The following TNRC6B variants were observed in gnomAD, a reference collection of about 807,000 sequenced individuals.
The protein encoded by TNRC6B is trinucleotide repeat-containing gene 6B protein.
Under a neutral mutation model 203.6 loss-of-function variants are expected in TNRC6B, and 52 were observed. The observed-to-expected ratio is 0.26, with a 90% CI of 0.20 to 0.32. The LOEUF is 0.32. TNRC6B is among the 10% of genes least tolerant of loss of function. The pLI, the probability that TNRC6B is intolerant of heterozygous loss-of-function variation, is 1.00. For synonymous variants in TNRC6B, 838 were observed against 845.7 expected, an observed-to-expected ratio of 0.99 and a Z score of 0.16; for missense variants, 1,923 against 2,286.2, an observed-to-expected ratio of 0.84 and a Z score of 3.24.
At chr22:40,178,162 T>C in intron 1 of TNRC6B, 22 bp downstream of exon 1, 1 of 1,613,354 alleles carries the variant, frequency 6.2e-7, no homozygotes, top group Admixed American at 1.7e-5. Flanking sequence ...TTTTCAATTT[T>C]TTTTAACCAA....
intron 4 of TNRC6B, among the ~76,000 whole-genome samples, chr22:40,160,932 G>A (rs1027941357): frequency 3.3e-5 from 5 of 151,752 alleles, no homozygotes; most frequent in African/African-American, 1.2e-4. Context: ...TTAGTTTATT[G>A]GCCATTTATT....
intron 3 of TNRC6B, among the ~76,000 whole-genome samples, chr22:40,138,767 T>A (rs773837369): frequency 3.7e-4 from 56 of 152,132 alleles, no homozygotes; most frequent in Non-Finnish European, 7.5e-4. Flanking sequence ...TAGGAAGTAT[T>A]TCAGACTGTG....
At chr22:40,255,578 G>C (rs962094616) in intron 3 of TNRC6B, among the ~76,000 whole-genome samples, 1 of 152,232 alleles carries the variant, frequency 6.6e-6, no homozygotes, top group African/African-American at 2.4e-5. Flanking sequence ...CTGCCCCTAA[G>C]AGAGTGAATG....
intron 12 of TNRC6B, among the ~76,000 whole-genome samples, chr22:40,291,490 C>T (rs1328458737): frequency 6.6e-6 from 1 of 152,178 alleles, no homozygotes; most frequent in Admixed American, 6.5e-5. Context: ...ATTATTTTTA[C>T]TAATTCCCTA....
chr22:40,223,737 A>G (rs1458076489), intron 1 of TNRC6B, among the ~76,000 whole-genome samples: 1 of 152,216 alleles, frequency 6.6e-6, no homozygotes, highest in Non-Finnish European at 1.5e-5. Context: ...TCCTTTGCAT[A>G]TATAATTTGC....
chr22:40,260,014 C>T (rs1470346742), intron 3 of TNRC6B, among the ~76,000 whole-genome samples: 3 of 152,102 alleles, frequency 2.0e-5, no homozygotes, highest in Admixed American at 1.3e-4. Flanking sequence ...CTAAGAGAGC[C>T]TTCTCTGTAT....
chr22:40,201,233 T>A (rs1389888289), intron 1 of TNRC6B, among the ~76,000 whole-genome samples: 2 of 152,120 alleles, frequency 1.3e-5, no homozygotes, highest in Non-Finnish European at 1.5e-5. Context: ...GTTGTGAAGT[T>A]TTGCTTTTAG....
chr22:40,154,259 C>T (rs560863586), intron 3 of TNRC6B, among the ~76,000 whole-genome samples: 3 of 151,784 alleles, frequency 2.0e-5, no homozygotes, highest in Admixed American at 6.6e-5. Flanking sequence ...GTCAGGAGAT[C>T]GAGACCATCC....
At chr22:40,227,075 A>AATTATTATTATTATT (rs66592054) in intron 1 of TNRC6B, among the ~76,000 whole-genome samples, 2 of 137,066 alleles carry the variant, frequency 1.5e-5, no homozygotes, top group East Asian at 2.1e-4. Flanking sequence ...ACACCCAGCT[A>AATTATTATTATTATT]ATTATTATTA....
chr22:40,233,046 G>A (rs2069897463), intron 1 of TNRC6B, among the ~76,000 whole-genome samples: 2 of 152,126 alleles, frequency 1.3e-5, no homozygotes, highest in Non-Finnish European at 2.9e-5. Context: ...TACTCAGGAG[G>A]CTGAGGCAGG....
intron 6 of TNRC6B, among the ~76,000 whole-genome samples, chr22:40,270,882 G>A (rs2070553487): frequency 6.6e-6 from 1 of 152,198 alleles, no homozygotes; most frequent in South Asian, 2.1e-4. Context: ...CAGTGACTAT[G>A]TGCTCACCAT....
At chr22:40,054,792 C>A (rs916768889) in intron 1 of TNRC6B, among the ~76,000 whole-genome samples, 1 of 151,746 alleles carries the variant, frequency 6.6e-6, no homozygotes, top group Non-Finnish European at 1.5e-5. Context: ...AATGCCAGCA[C>A]TTTGGGAGGC....
At chr22:40,099,123 G>A (rs1014388070) in intron 1 of TNRC6B, among the ~76,000 whole-genome samples, 4 of 151,892 alleles carry the variant, frequency 2.6e-5, no homozygotes, top group African/African-American at 4.8e-5. Flanking sequence ...CGTGGTGGAC[G>A]CCTGTAATCC....
At chr22:40,115,367 G>A (rs1487225240) in intron 1 of TNRC6B, among the ~76,000 whole-genome samples, 1 of 152,140 alleles carries the variant, frequency 6.6e-6, no homozygotes, top group South Asian at 2.1e-4. Context: ...GAATCCAGTC[G>A]TCCTCTGAAG....
intron 1 of TNRC6B, among the ~76,000 whole-genome samples, chr22:40,046,806 G>A (rs2067692089): frequency 6.6e-6 from 1 of 151,804 alleles, no homozygotes; most frequent in Non-Finnish European, 1.5e-5. Flanking sequence ...CACCACGCCC[G>A]GCTAATTTTT....
rs528745433 is a variant in TNRC6B, at chr22:40,051,677, G to C, written c.-121+6679G>C. ...CTAGAGGGTTTAAATGCTTTAGCTT[G>C]TTATTTAAAGTTTCTGGACTAGCAC... On this transcript the variant is annotated intron_variant, in intron 1 of 23. Coordinates refer to the TNRC6B transcript ENST00000301923. Among the ~76,000 whole-genome samples, 358 of 152,260 alleles carry C rather than the reference G, an allele frequency of 2.4e-3. 1 individual carries two copies. Among genetic ancestry groups the C allele is most frequent in the African/African-American group, 7.1e-3 (293 of 41,542 alleles).
At chr22:40,249,624 G>C (rs1203689564) in intron 2 of TNRC6B, among the ~76,000 whole-genome samples, 1 of 152,154 alleles carries the variant, frequency 6.6e-6, no homozygotes, top group Non-Finnish European at 1.5e-5. Context: ...GACATTATTT[G>C]GGCTTGTTGC....
intron 1 of TNRC6B, among the ~76,000 whole-genome samples, chr22:40,183,654 C>A (rs1290646957): frequency 3.3e-5 from 5 of 151,744 alleles, no homozygotes; most frequent in Non-Finnish European, 5.9e-5. Flanking sequence ...TCTGGGCCCA[C>A]ACATGTAAAT....
intron 4 of TNRC6B, among the ~76,000 whole-genome samples, chr22:40,157,713 G>A (rs757318358): frequency 2.6e-5 from 4 of 152,112 alleles, no homozygotes; most frequent in South Asian, 2.1e-4. Context: ...GCTTTTCTCC[G>A]TGTCCACTGC....
Sources: allele counts gnomAD v4.1 joint callset (sites outside exome capture counted in the v4.1 genomes callset), GRCh38; gene constraint gnomAD v4.1.1; transcripts MANE v1.5; gene names NCBI Gene and HGNC (gene_info 2026-07-23, HGNC 2026-07-21).